Variants in PROK1 observed in about 807,000 individuals in gnomAD.
PROK1 encodes prokineticin-1.
PROK1 carries 10 observed loss-of-function variants against 8.8 expected under a neutral mutation model. That is an observed-to-expected ratio of 1.13 (90% CI 0.70 to 1.92). PROK1 has a LOEUF of 1.92. PROK1 is among the 30% of genes most tolerant of loss of function. PROK1 has a pLI of 0.00. For missense variants in PROK1, 140 were observed against 139.7 expected, an observed-to-expected ratio of 1.00 and a Z score of -0.01; for synonymous variants, 57 against 56.0, an observed-to-expected ratio of 1.02 and a Z score of -0.08.
At chr1:110,455,379 G>A (rs1212328303) in intron 2 of PROK1, among the ~76,000 whole-genome samples, 1 of 152,194 alleles carries the variant, frequency 6.6e-6, no homozygotes, top group Non-Finnish European at 1.5e-5. Flanking sequence ...GGCACGGAGC[G>A]TCCTCCAGCG....
chr1:110,451,398 G>A, intron 1 of PROK1, 110 bp downstream of exon 1: 1 of 893,048 alleles, frequency 1.1e-6, no homozygotes, highest in Non-Finnish European at 1.9e-6. Flanking sequence ...AACACAGTGT[G>A]AACCAAAGGG....
chr1:110,451,605 T>C (rs756951059), intron 1 of PROK1, among the ~76,000 whole-genome samples: 1 of 152,238 alleles, frequency 6.6e-6, no homozygotes, highest in Non-Finnish European at 1.5e-5. Context: ...GGAATTCCTT[T>C]ATAAAGTGGA....
Position 110,456,378 on chromosome 1 carries a change from C to A in PROK1, c.*27C>A. ...CGCTTGCCTGGTCTCAGGATACCCACCATCCTTTTCCTGAGCACAGCCTGG... is the reference window on the plus strand; with the variant it reads ...CGCTTGCCTGGTCTCAGGATACCCAACATCCTTTTCCTGAGCACAGCCTGG... On this transcript the variant is annotated 3_prime_UTR_variant, in exon 3 of 3. Coordinates refer to ENST00000271331, the MANE Select transcript of PROK1 (RefSeq NM_032414.3). 3 of 1,613,076 alleles carry A rather than the reference C, an allele frequency of 1.9e-6. No homozygotes were observed. The highest frequency in any genetic ancestry group is 1.6e-4 in the Middle Eastern group (1 of 6,062).
intron 1 of PROK1, among the ~76,000 whole-genome samples, chr1:110,452,468 T>A (rs963630849): frequency 1.3e-5 from 2 of 152,256 alleles, no homozygotes; most frequent in African/African-American, 4.8e-5. Context: ...CCCCGGCTGC[T>A]GCGCGGTGAG....
In PROK1 at chr1:110,456,287, T is replaced by C. The variant is rs1455511814; in HGVS notation, c.254T>C (p.Leu85Pro). The C allele has an allele frequency of 6.2e-7, 1 of 1,613,950 alleles. No homozygotes were observed. The highest frequency in any genetic ancestry group is 2.2e-5 in the East Asian group (1 of 44,894). Residue 85 changes from leucine to proline, a missense_variant, in exon 3 of 3, where the codon CTG becomes CCG. By Grantham distance (98) the Leu-to-Pro change is moderately conservative (BLOSUM62 -3). Coordinates refer to ENST00000271331, the MANE Select transcript of PROK1 (RefSeq NM_032414.3). ...HHTCPCLPNLLCSRFPDGRYR... is the reference protein window; with the variant it reads ...HHTCPCLPNLPCSRFPDGRYR... ...ACCTGTCCTTGCTTGCCCAACCTGC[T>C]GTGCTCCAGGTTCCCGGACGGCAGG... is the stretch of plus-strand genomic sequence containing the variant.
At chr1:110,452,241 T>C (rs1664098434) in intron 1 of PROK1, among the ~76,000 whole-genome samples, 1 of 152,210 alleles carries the variant, frequency 6.6e-6, no homozygotes, top group South Asian at 2.1e-4. Context: ...AATTTTACCA[T>C]TCACAGAAAG....
chr1:110,451,422 G>T lies in PROK1; in HGVS notation c.72+134G>T, dbSNP rs538018660. 7 of 772,470 alleles carry T rather than the reference G, an allele frequency of 9.1e-6. No individual in the cohort carries two copies. In the Admixed American group the frequency reaches 1.4e-4, roughly 15 times the overall value. The allele number at this position is 772,470 out of a possible 1,614,324, so 47.9% of individuals were successfully genotyped here. ...TGAACCAAAGGGAATGGGGAATTAT[G>T]CATTAAAGGGATTGCATGCGATTTT... On this transcript the variant is annotated intron_variant, in intron 1 of 2. Transcript: ENST00000271331.
chr1:110,455,364 C>A (rs543658735), intron 2 of PROK1, among the ~76,000 whole-genome samples: 4 of 152,358 alleles, frequency 2.6e-5, no homozygotes, highest in African/African-American at 7.2e-5. Flanking sequence ...CGGTGCTCAT[C>A]TCTAGGCACG....
At chr1:110,453,535 C>T (rs1331281890) in intron 1 of PROK1, among the ~76,000 whole-genome samples, 1 of 152,194 alleles carries the variant, frequency 6.6e-6, no homozygotes, top group Admixed American at 6.5e-5. Flanking sequence ...CTGGAGACTC[C>T]TGGTCCAAGG....
Position 110,456,653 on chromosome 1 carries a change from C to G in PROK1, c.*302C>G. On this transcript the variant is annotated 3_prime_UTR_variant, in exon 3 of 3. Transcript: ENST00000271331. ...TGGCAGAAAGGACATTCCCCCTCCC[C>G]TCCCCAGGTGACCTGCTCTCTTTCC... 4.8e-6 allele frequency: 2 copies of G among 419,830 alleles called. No homozygotes were observed. Among genetic ancestry groups the G allele is most frequent in the Non-Finnish European group, 9.0e-6 (2 of 222,788 alleles). 26.0% of individuals were successfully genotyped at this position (419,830 alleles called of 1,614,324 possible).
chr1:110,451,754 T>C (rs1342819221), intron 1 of PROK1, among the ~76,000 whole-genome samples: 1 of 152,246 alleles, frequency 6.6e-6, no homozygotes, highest in Non-Finnish European at 1.5e-5. Context: ...GGTAAGCTTA[T>C]AAACTTCTAT....
chr1:110,452,128 G>T (rs533351922), intron 1 of PROK1, among the ~76,000 whole-genome samples: 1 of 152,308 alleles, frequency 6.6e-6, no homozygotes, highest in South Asian at 2.1e-4. Context: ...GGAAGAAAAA[G>T]GTCGGGGAAG....
chr1:110,453,839 CG>C, intron 1 of PROK1, 121 bp from the exon 2 acceptor site: 3 of 1,340,546 alleles, frequency 2.2e-6, no homozygotes, highest in Non-Finnish European at 2.1e-6. Context: ...AGGCTAAGGC[CG>C]GGGGTGATAC....
At chr1:110,454,265 G>A (rs1433591729) in intron 2 of PROK1, among the ~76,000 whole-genome samples, 179 bp downstream of exon 2, 1 of 152,212 alleles carries the variant, frequency 6.6e-6, no homozygotes, top group Admixed American at 6.5e-5. Context: ...ATCCAGCCCT[G>A]ATCCAGCCCC....
intron 2 of PROK1, among the ~76,000 whole-genome samples, chr1:110,454,775 A>C (rs979569429): frequency 7.9e-5 from 12 of 152,180 alleles, no homozygotes; most frequent in African/African-American, 2.9e-4. Flanking sequence ...CACTACCTCT[A>C]ATGTCCCTTA....
chr1:110,454,175 G>A (rs1183112199), intron 2 of PROK1, 89 bp downstream of exon 2: 2 of 1,493,816 alleles, frequency 1.3e-6, no homozygotes, highest in African/African-American at 1.4e-5. Flanking sequence ...CTCTAGCTAG[G>A]AAGGCTAGAG....
At chr1:110,453,881 G>A in intron 1 of PROK1, 80 bp from the exon 2 acceptor site, 1 of 1,591,090 alleles carries the variant, frequency 6.3e-7, no homozygotes. Flanking sequence ...ATCCTGATAA[G>A]GGCTTTTTGG....
chr1:110,455,396 C>T (rs542482538), intron 2 of PROK1, among the ~76,000 whole-genome samples: 1 of 152,360 alleles, frequency 6.6e-6, no homozygotes, highest in Non-Finnish European at 1.5e-5. Flanking sequence ...AGCGGTTTCT[C>T]TCCCAATCAC....
chr1:110,455,326 T>C (rs937959475), intron 2 of PROK1, among the ~76,000 whole-genome samples: 1 of 152,226 alleles, frequency 6.6e-6, no homozygotes, highest in African/African-American at 2.4e-5. Flanking sequence ...TGTTTCCTGC[T>C]CTTCGGGGAC....
Sources: allele counts gnomAD v4.1 joint callset (sites outside exome capture counted in the v4.1 genomes callset), GRCh38; gene constraint gnomAD v4.1.1; transcripts MANE v1.5; gene names NCBI Gene and HGNC (gene_info 2026-07-23, HGNC 2026-07-21).